TMEM87A: variants seen among roughly 807,000 people sequenced by gnomAD.
TMEM87A encodes the protein transmembrane protein 87A, also known as Golgi-pH regulating cation channel.
A neutral mutation model predicts 90.0 loss-of-function variants in TMEM87A; 50 were observed. That is an observed-to-expected ratio of 0.56 (90% CI 0.44 to 0.70). The LOEUF (loss-of-function observed/expected upper bound fraction) is 0.70, where lower values mean the gene tolerates loss of function less well. TMEM87A is among the 30% of genes least tolerant of loss of function. The pLI is 0.00. For missense variants in TMEM87A, 577 were observed against 660.5 expected (o/e 0.87, Z 1.39); for synonymous variants, 226 against 226.7 (o/e 1.00, Z 0.03).
chr15:42,219,635 C>G lies in TMEM87A; in HGVS notation c.1485G>C (p.Met495Ile). 6.3e-7 allele frequency: 1 copy of G among 1,596,656 alleles called. No homozygotes were observed. The highest frequency in any genetic ancestry group is 8.6e-7 in the Non-Finnish European group (1 of 1,169,322). ...EPMLKESFEG[M>I]KMRSTKQEPN... is the part of the protein sequence containing the mutation. ...GTTCTTGTTTGGTACTTCTCATTTT[C>G]ATTCCTTCTGTAGAAGAAAATAAAT... The change falls in exon 17 of 20, where the codon ATG becomes ATC. Residue 495 changes from methionine (M) to isoleucine (I), a missense_variant. By Grantham distance (10) the Met-to-Ile change is conservative. Transcript: ENST00000389834.
chr15:42,269,016 T>C (rs989988813), intron 2 of TMEM87A, among the ~76,000 whole-genome samples: 3 of 152,118 alleles, frequency 2.0e-5, no homozygotes, highest in Non-Finnish European at 2.9e-5. Flanking sequence ...TATCAGATTT[T>C]TTTTTTCAAA....
intron 15 of TMEM87A, 93 bp downstream of exon 15, chr15:42,226,713 T>C: frequency 9.4e-7 from 1 of 1,058,970 alleles, no homozygotes; most frequent in Admixed American, 1.9e-5. Flanking sequence ...TTCCACTATA[T>C]GACACAGCCC....
chr15:42,232,303 C>A (rs2050698676), intron 11 of TMEM87A, among the ~76,000 whole-genome samples: 2 of 152,124 alleles, frequency 1.3e-5, no homozygotes, highest in Admixed American at 6.5e-5. Context: ...CTCACCGCAG[C>A]CTGAACTCAA....
intron 19 of TMEM87A, among the ~76,000 whole-genome samples, chr15:42,214,255 G>A (rs1595700805): frequency 1.3e-5 from 2 of 152,022 alleles, no homozygotes; most frequent in Non-Finnish European, 2.9e-5. Context: ...TAAAGACAAA[G>A]TAACACTAAT....
rs780358896 is a variant in TMEM87A, at chr15:42,217,839, AAG to A, written c.1596-8_1596-7del. On this transcript the variant is annotated splice_polypyrimidine_tract_variant and splice_region_variant and intron_variant, in intron 18 of 19. Coordinates refer to ENST00000389834, the MANE Select transcript of TMEM87A (RefSeq NM_015497.5). ...CCAGAAGGGCTGGAAGTGCTCTGCA[AAG>A]AGAGAGAAATACTAAATTGAACAAT... 4 of 1,612,286 alleles carry A rather than the reference AAG, an allele frequency of 2.5e-6. No individual in the cohort carries two copies. The highest frequency in any genetic ancestry group is 1.7e-6 in the Non-Finnish European group (2 of 1,179,502).
chr15:42,261,300 A>G, intron 4 of TMEM87A, 51 bp from the exon 5 acceptor site: 3 of 1,519,176 alleles, frequency 2.0e-6, no homozygotes, highest in Non-Finnish European at 2.7e-6. Context: ...ATACTAGAAG[A>G]AAAGTGTAGC....
chr15:42,259,745 A>C (rs1232133141), intron 6 of TMEM87A, among the ~76,000 whole-genome samples: 3 of 152,218 alleles, frequency 2.0e-5, no homozygotes, highest in Non-Finnish European at 1.5e-5. Flanking sequence ...GCACAGGTCC[A>C]GGAGAGACCT....
chr15:42,267,216 CT>C (rs2051424212), intron 3 of TMEM87A, among the ~76,000 whole-genome samples: 1 of 152,192 alleles, frequency 6.6e-6, no homozygotes, highest in African/African-American at 2.4e-5. Flanking sequence ...ATTCAGTCAA[CT>C]GCTATTTTCT....
intron 12 of TMEM87A, among the ~76,000 whole-genome samples, chr15:42,229,071 C>T (rs1226446869): frequency 6.6e-6 from 1 of 151,968 alleles, no homozygotes; most frequent in African/African-American, 2.4e-5. Context: ...GGCACAATCA[C>T]GGCTCACTGC....
rs1281735246 is a variant in TMEM87A at position 42,210,708 on chromosome 15, A to C, written c.*1000T>G. ...CTAAACCAATACCAGATACCAGAAC[A>C]GTCCATCCTAAAGAACGAGCAGCAG... On this transcript the variant is annotated 3_prime_UTR_variant, in exon 20 of 20. Coordinates refer to ENST00000389834, the MANE Select transcript of TMEM87A (RefSeq NM_015497.5). 1 of 152,654 alleles carries C rather than the reference A, an allele frequency of 6.6e-6. No homozygotes were observed. Among genetic ancestry groups the C allele is most frequent in the Non-Finnish European group, 1.5e-5 (1 of 68,070 alleles). The allele number at this position is 152,654 out of a possible 1,614,324, so 9.5% of individuals were successfully genotyped here.
intron 6 of TMEM87A, among the ~76,000 whole-genome samples, chr15:42,259,533 T>G (rs916621578): frequency 6.6e-6 from 1 of 152,138 alleles, no homozygotes; most frequent in African/African-American, 2.4e-5. Flanking sequence ...AAAGCATTTG[T>G]CAAAAACATT....
At chr15:42,232,002 G>C (rs375957495) in intron 11 of TMEM87A, 6 of 678,114 alleles carry the variant, frequency 8.8e-6, no homozygotes, top group East Asian at 2.1e-4. Flanking sequence ...AGAGGACAGT[G>C]TGATTTGAAA....
chr15:42,259,059 T>A, intron 6 of TMEM87A: 1 of 701,798 alleles, frequency 1.4e-6, no homozygotes, highest in South Asian at 1.6e-5. Context: ...CCAAGCTCCT[T>A]AAAACCAAAG....
intron 2 of TMEM87A, chr15:42,271,658 A>G (rs2051527897): frequency 6.5e-6 from 1 of 154,898 alleles, no homozygotes; most frequent in Admixed American, 6.5e-5. Flanking sequence ...GTGTAGTGCC[A>G]TCCAGTTTTA....
intron 11 of TMEM87A, chr15:42,231,789 T>C (rs952236259): frequency 1.8e-5 from 16 of 906,816 alleles, no homozygotes; most frequent in Non-Finnish European, 2.4e-5. Flanking sequence ...TTATATAGAG[T>C]ATGTTTTTTA....
chr15:42,219,675 T>A, intron 16 of TMEM87A, 33 bp from the exon 17 acceptor site: 1 of 1,454,642 alleles, frequency 6.9e-7, no homozygotes, highest in Non-Finnish European at 9.4e-7. Context: ...ACTGTTTAAC[T>A]TTGTGAACAG....
At chr15:42,233,079 T>C (rs1025463056) in intron 11 of TMEM87A, 134 bp downstream of exon 11, 13 of 641,338 alleles carry the variant, frequency 2.0e-5, no homozygotes, top group African/African-American at 5.5e-5. Context: ...ACTATACATA[T>C]ATTTTGAAAA....
At chr15:42,226,942 C>A (rs1223735207) in intron 14 of TMEM87A, 33 bp from the exon 15 acceptor site, 1 of 1,573,098 alleles carries the variant, frequency 6.4e-7, no homozygotes, top group Admixed American at 1.7e-5. Flanking sequence ...AACATTTATA[C>A]ACATTATCTT....
intron 6 of TMEM87A, chr15:42,258,892 A>G: frequency 1.4e-6 from 2 of 1,471,854 alleles, no homozygotes; most frequent in Admixed American, 2.1e-5. Flanking sequence ...AGCAACGAAA[A>G]CACTGGCAAA....
Sources: gnomAD v4.1 joint callset for allele counts (sites outside exome capture counted in the v4.1 genomes callset) on GRCh38, gnomAD v4.1.1 for gene constraint, MANE v1.5 for transcripts, NCBI Gene and HGNC (gene_info 2026-07-23, HGNC 2026-07-21) for gene names.